The following SNX29 variants were observed in gnomAD, a reference collection of about 807,000 sequenced individuals.
SNX29 encodes the protein sorting nexin-29.
In SNX29, 78 loss-of-function variants were observed where a neutral mutation model predicts 102.1. The ratio of observed to expected loss-of-function variants is 0.76; its 90% CI spans 0.64 to 0.92. The LOEUF (loss-of-function observed/expected upper bound fraction) is 0.92, where lower values mean the gene tolerates loss of function less well. Ranked by LOEUF, SNX29 falls within the 40% of genes least tolerant of loss-of-function variation. The pLI is 0.00. For synonymous variants in SNX29, 580 were observed against 414.5 expected (o/e 1.40, Z -4.85); for missense variants, 1,280 against 1,061.7 (o/e 1.21, Z -2.86).
At chr16:12,363,558 G>A (rs1346066875) in intron 16 of SNX29, among the ~76,000 whole-genome samples, 4 of 152,194 alleles carry the variant, frequency 2.6e-5, no homozygotes, top group African/African-American at 7.2e-5. Flanking sequence ...AGTGCTCTCT[G>A]TGCTGGCCCT....
At chr16:12,302,198 G>A (rs117723950) in intron 15 of SNX29, among the ~76,000 whole-genome samples, 6 of 152,158 alleles carry the variant, frequency 3.9e-5, no homozygotes, top group Admixed American at 1.3e-4. Flanking sequence ...ATTCACCTCC[G>A]TCAAAGCGGC....
chr16:12,237,896 GA>G (rs1469373723), intron 14 of SNX29, among the ~76,000 whole-genome samples: 1 of 152,144 alleles, frequency 6.6e-6, no homozygotes, highest in African/African-American at 2.4e-5. Flanking sequence ...CAACAAGAGT[GA>G]AAACTCCTTT....
At chr16:12,266,162 C>T (rs533820499) in intron 14 of SNX29, among the ~76,000 whole-genome samples, 1 of 152,030 alleles carries the variant, frequency 6.6e-6, no homozygotes, top group African/African-American at 2.4e-5. Flanking sequence ...TGGGCTCAAG[C>T]GATCCTCCCG....
intron 19 of SNX29, among the ~76,000 whole-genome samples, chr16:12,483,090 A>G (rs35361385): frequency 6.9e-6 from 1 of 144,136 alleles, no homozygotes; most frequent in African/African-American, 2.6e-5. Flanking sequence ...TCAAGCCACA[A>G]TAGATACATA....
At chr16:12,558,192 C>T (rs549248499) in intron 20 of SNX29, among the ~76,000 whole-genome samples, 8 of 150,002 alleles carry the variant, frequency 5.3e-5, no homozygotes, top group East Asian at 2.0e-4. Context: ...TTAATAATTA[C>T]GGTTTACTCC....
chr16:12,175,353 G>T (rs746355983), intron 13 of SNX29, among the ~76,000 whole-genome samples: 10 of 152,042 alleles, frequency 6.6e-5, no homozygotes, highest in African/African-American at 9.7e-5. Context: ...GGTCATAAGT[G>T]GGGGGCTGGC....
chr16:12,523,597 T>G (rs1359491735), intron 19 of SNX29, among the ~76,000 whole-genome samples: 1 of 152,174 alleles, frequency 6.6e-6, no homozygotes, highest in Non-Finnish European at 1.5e-5. Context: ...TGGTTCCAAA[T>G]TAATGAGAAT....
At chr16:12,183,837 G>A (rs1216704141) in intron 13 of SNX29, among the ~76,000 whole-genome samples, 1 of 152,158 alleles carries the variant, frequency 6.6e-6, no homozygotes, top group African/African-American at 2.4e-5. Context: ...CCAAAACCAC[G>A]ATGACGATGA....
intron 8 of SNX29, among the ~76,000 whole-genome samples, chr16:12,060,257 T>C (rs1250428169): frequency 6.6e-6 from 1 of 152,182 alleles, no homozygotes; most frequent in African/African-American, 2.4e-5. Context: ...AAAGTACATA[T>C]GTGGGAGGAT....
chr16:12,241,099 T>G (rs1351642962), intron 14 of SNX29, among the ~76,000 whole-genome samples: 2 of 152,220 alleles, frequency 1.3e-5, no homozygotes, highest in Non-Finnish European at 2.9e-5. Flanking sequence ...CTATTTGTGT[T>G]TGCTCATTTT....
chr16:12,109,340 A>G (rs2053409112), intron 11 of SNX29, among the ~76,000 whole-genome samples: 2 of 151,086 alleles, frequency 1.3e-5, no homozygotes, highest in Non-Finnish European at 3.0e-5. Flanking sequence ...AAAAGCCACC[A>G]CTCCAAAAAT....
chr16:12,524,570 T>C, intron 19 of SNX29, 132 bp from the exon 20 acceptor site: 1 of 989,774 alleles, frequency 1.0e-6, no homozygotes, highest in Admixed American at 3.1e-5. Context: ...TTAGGGACCA[T>C]TCATACGAGA....
chr16:12,158,488 G>C (rs1168558443), intron 13 of SNX29, among the ~76,000 whole-genome samples: 1 of 152,186 alleles, frequency 6.6e-6, no homozygotes, highest in African/African-American at 2.4e-5. Context: ...GCGTGAGCCA[G>C]TGCACCCAGC....
intron 13 of SNX29, among the ~76,000 whole-genome samples, chr16:12,197,916 C>CGTG (rs2076818547): frequency 6.6e-6 from 1 of 151,720 alleles, no homozygotes. Flanking sequence ...GTGCTGTTGC[C>CGTG]GTGGGCTGAG....
chr16:12,094,033 A>G (rs1033509244), intron 11 of SNX29: 1 of 152,120 alleles, frequency 6.6e-6, no homozygotes, highest in Non-Finnish European at 1.5e-5. Flanking sequence ...AACCAGCTAC[A>G]CTGGCTGTGT....
At chr16:12,055,918 C>T (rs542213519) in intron 8 of SNX29, among the ~76,000 whole-genome samples, 4 of 152,210 alleles carry the variant, frequency 2.6e-5, no homozygotes, top group Admixed American at 6.5e-5. Flanking sequence ...AGTCTTACTC[C>T]ATGGCCCCGG....
At position 12,204,838 on chromosome 16, in the gene SNX29, C is replaced by G. The variant is rs80126860; in HGVS notation, c.1678+5155C>G. On this transcript the variant is annotated intron_variant, in intron 14 of 20. Coordinates refer to ENST00000566228, the MANE Select transcript of SNX29 (RefSeq NM_032167.5). ...TGCTCTCACTGGGGTGTCAGTTTCC[C>G]TGGGGTGAGTGCAGCGATTCCCGAT... Among the ~76,000 whole-genome samples, 75 of 152,346 alleles carry G rather than the reference C, an allele frequency of 4.9e-4. 1 individual carries two copies. The East Asian group carries it at 0.011, about 22-fold the overall frequency.
At chr16:12,564,820 G>A (rs931497132) in intron 20 of SNX29, among the ~76,000 whole-genome samples, 8 of 151,814 alleles carry the variant, frequency 5.3e-5, no homozygotes, top group East Asian at 1.9e-4. Context: ...AAGTCTCGGT[G>A]GTACACAACG....
chr16:12,437,770 C>T (rs1335709777), intron 18 of SNX29, among the ~76,000 whole-genome samples: 1 of 152,172 alleles, frequency 6.6e-6, no homozygotes, highest in Admixed American at 6.5e-5. Context: ...CAAAAATGCA[C>T]GCTGGCTGCT....
Sources: gnomAD v4.1 joint callset for allele counts (sites outside exome capture counted in the v4.1 genomes callset) on GRCh38, gnomAD v4.1.1 for gene constraint, MANE v1.5 for transcripts, NCBI Gene and HGNC (gene_info 2026-07-23, HGNC 2026-07-21) for gene names.